Variants in BRINP3 observed in about 807,000 individuals in gnomAD.
BRINP3 encodes the protein BMP/retinoic acid-inducible neural-specific protein 3.
A neutral mutation model predicts 71.0 loss-of-function variants in BRINP3; 19 were observed. That is an observed-to-expected ratio of 0.27 (90% CI 0.19 to 0.39). The LOEUF (loss-of-function observed/expected upper bound fraction) is 0.39, where lower values mean the gene tolerates loss of function less well. Ranked by LOEUF, BRINP3 falls within the 10% of genes least tolerant of loss-of-function variation. BRINP3 has a pLI of 1.00. For synonymous variants in BRINP3, 380 were observed against 337.7 expected (o/e 1.13, Z -1.37); for missense variants, 959 against 940.8 (o/e 1.02, Z -0.25).
intron 2 of BRINP3, among the ~76,000 whole-genome samples, chr1:190,304,288 A>C (rs563960759): frequency 6.6e-6 from 1 of 151,916 alleles, no homozygotes; most frequent in South Asian, 2.1e-4. Flanking sequence ...ACATATCCCT[A>C]GGTAGCTAGT....
chr1:190,218,346 A>C (rs1289099775), intron 6 of BRINP3, among the ~76,000 whole-genome samples: 1 of 152,016 alleles, frequency 6.6e-6, no homozygotes, highest in Non-Finnish European at 1.5e-5. Context: ...TCAGAGATTT[A>C]TTCATATTTT....
chr1:190,154,801 C>T (rs540417116), intron 7 of BRINP3, among the ~76,000 whole-genome samples: 7 of 152,094 alleles, frequency 4.6e-5, no homozygotes, highest in Non-Finnish European at 1.0e-4. Flanking sequence ...ATTTTAGTTG[C>T]AGGCTGAGGT....
At position 190,246,002 on chromosome 1, in the gene BRINP3, A is replaced by T. The variant is rs1215168991; in HGVS notation, c.619-11525T>A. 2.0e-5 allele frequency among the ~76,000 whole-genome samples: 3 copies of T among 151,786 alleles called. No individual in the cohort carries two copies. In the East Asian group the frequency reaches 5.8e-4, roughly 30 times the overall value. Reference sequence around the variant, plus strand: ...CCACATTTTCTTAATCCAGTTTATCATTGTTCGACATTTAGGTTGGTTCCA... The same window carrying T: ...CCACATTTTCTTAATCCAGTTTATCTTTGTTCGACATTTAGGTTGGTTCCA... On this transcript the variant is annotated intron_variant, in intron 4 of 7. Transcript: ENST00000367462.
chr1:190,249,788 C>G (rs185062705), intron 4 of BRINP3, among the ~76,000 whole-genome samples: 31 of 151,910 alleles, frequency 2.0e-4, no homozygotes, highest in Middle Eastern at 3.4e-3. Context: ...AACTTTTCTA[C>G]TGATGCATGT....
At chr1:190,460,086 C>G (rs529697554) in intron 1 of BRINP3, among the ~76,000 whole-genome samples, 1 of 151,828 alleles carries the variant, frequency 6.6e-6, no homozygotes, top group Non-Finnish European at 1.5e-5. Context: ...AAAATAGTTT[C>G]TTAACATTAA....
At chr1:190,307,222 G>A (rs866681947) in intron 2 of BRINP3, among the ~76,000 whole-genome samples, 69 of 140,584 alleles carry the variant, frequency 4.9e-4, no homozygotes, top group South Asian at 1.2e-3. Flanking sequence ...TTTTTTTAAT[G>A]CCCTATGACG....
intron 6 of BRINP3, among the ~76,000 whole-genome samples, chr1:190,181,191 TATC>T (rs1653000567): frequency 6.6e-6 from 1 of 152,124 alleles, no homozygotes; most frequent in South Asian, 2.1e-4. Flanking sequence ...TTTCTTTACT[TATC>T]ATAATGCCCT....
intron 7 of BRINP3, among the ~76,000 whole-genome samples, chr1:190,159,754 T>A (rs1165210573): frequency 6.6e-6 from 1 of 151,882 alleles, no homozygotes; most frequent in Non-Finnish European, 1.5e-5. Flanking sequence ...GAAAATGACC[T>A]CACCTTAGAT....
intron 6 of BRINP3, among the ~76,000 whole-genome samples, chr1:190,191,676 T>C (rs1273362870): frequency 6.6e-6 from 1 of 152,100 alleles, no homozygotes; most frequent in Non-Finnish European, 1.5e-5. Flanking sequence ...TTTGGGTTGG[T>C]TCCATGTCCT....
chr1:190,200,992 G>C (rs1654954419), intron 6 of BRINP3, among the ~76,000 whole-genome samples: 1 of 152,090 alleles, frequency 6.6e-6, no homozygotes, highest in East Asian at 1.9e-4. Flanking sequence ...GTAGAGTGGG[G>C]TGTTGCTGAA....
intron 7 of BRINP3, among the ~76,000 whole-genome samples, chr1:190,144,662 A>G (rs905928330): frequency 1.3e-5 from 2 of 152,128 alleles, no homozygotes; most frequent in African/African-American, 4.8e-5. Context: ...AATATTTCTA[A>G]CCTTCTAAAG....
chr1:190,122,551 C>G (rs1375502662), intron 7 of BRINP3, among the ~76,000 whole-genome samples: 1 of 132,836 alleles, frequency 7.5e-6, no homozygotes, highest in Non-Finnish European at 1.5e-5. Flanking sequence ...AAGGCTTTCT[C>G]CCTAGAACCT....
intron 2 of BRINP3, among the ~76,000 whole-genome samples, chr1:190,422,865 G>A (rs1350731873): frequency 6.6e-6 from 1 of 151,688 alleles, no homozygotes; most frequent in Non-Finnish European, 1.5e-5. Context: ...TGACATATAT[G>A]ACTTACAAAG....
chr1:190,237,031 C>T (rs1658590078), intron 4 of BRINP3, among the ~76,000 whole-genome samples: 1 of 151,858 alleles, frequency 6.6e-6, no homozygotes, highest in Non-Finnish European at 1.5e-5. Flanking sequence ...TACCCCATTA[C>T]AAAGAGTCTC....
At chr1:190,265,313 T>C (rs193231323) in intron 3 of BRINP3, among the ~76,000 whole-genome samples, 86 of 152,100 alleles carry the variant, frequency 5.7e-4, no homozygotes, top group African/African-American at 1.9e-3. Context: ...CCAGATTTTA[T>C]TGACTTTCTA....
chr1:190,159,780 G>GTT (rs578048958), intron 7 of BRINP3, among the ~76,000 whole-genome samples: 1 of 147,966 alleles, frequency 6.8e-6, no homozygotes, highest in Non-Finnish European at 1.5e-5. Flanking sequence ...TGGTTGCATA[G>GTT]TTTTTTTTTT....
At chr1:190,235,657 T>C (rs1399359525) in intron 4 of BRINP3, among the ~76,000 whole-genome samples, 4 of 151,970 alleles carry the variant, frequency 2.6e-5, no homozygotes, top group Non-Finnish European at 5.9e-5. Context: ...TTGGGGTATT[T>C]GACTTGTTGT....
intron 2 of BRINP3, among the ~76,000 whole-genome samples, chr1:190,373,871 T>C (rs1670023059): frequency 6.6e-6 from 1 of 150,798 alleles, no homozygotes; most frequent in African/African-American, 2.4e-5. Context: ...CCTAACAGCC[T>C]CTTGGACTAT....
At chr1:190,145,261 G>A (rs1655788269) in intron 7 of BRINP3, among the ~76,000 whole-genome samples, 1 of 152,014 alleles carries the variant, frequency 6.6e-6, no homozygotes, top group South Asian at 2.1e-4. Flanking sequence ...ATGGTTACAA[G>A]TTCTCAGTAA....
Sources: allele counts gnomAD v4.1 joint callset (sites outside exome capture counted in the v4.1 genomes callset), GRCh38; gene constraint gnomAD v4.1.1; transcripts MANE v1.5; gene names NCBI Gene and HGNC (gene_info 2026-07-23, HGNC 2026-07-21).